CADM2: variants seen among roughly 807,000 people sequenced by gnomAD.
The protein encoded by CADM2 is cell adhesion molecule 2.
CADM2 carries 12 observed loss-of-function variants against 49.8 expected under a neutral mutation model. The observed-to-expected ratio is 0.24, with a 90% CI of 0.15 to 0.39. The LOEUF (loss-of-function observed/expected upper bound fraction) is 0.39. CADM2 is among the 10% of genes least tolerant of loss of function. CADM2 has a pLI of 1.00. For missense variants in CADM2, 378 were observed against 492.3 expected (o/e 0.77, Z 2.20); for synonymous variants, 214 against 175.4 (o/e 1.22, Z -1.74).
intron 1 of CADM2, among the ~76,000 whole-genome samples, chr3:85,400,583 C>CT (rs1274476487): frequency 6.6e-6 from 1 of 152,000 alleles, no homozygotes; most frequent in African/African-American, 2.4e-5. Context: ...TGGTCCTGGA[C>CT]TTTTTTTGGT....
chr3:85,542,864 A>G (rs908497484), intron 1 of CADM2, among the ~76,000 whole-genome samples: 2 of 152,212 alleles, frequency 1.3e-5, no homozygotes, highest in Non-Finnish European at 2.9e-5. Flanking sequence ...CCTTTAAGTG[A>G]GCAGTACTTT....
intron 1 of CADM2, among the ~76,000 whole-genome samples, chr3:85,684,212 A>C (rs541521585): frequency 6.6e-6 from 1 of 152,334 alleles, no homozygotes; most frequent in African/African-American, 2.4e-5. Flanking sequence ...ACAACTGTCT[A>C]ATGATATGAA....
At chr3:85,566,617 A>C (rs1309040585) in intron 1 of CADM2, among the ~76,000 whole-genome samples, 1 of 152,170 alleles carries the variant, frequency 6.6e-6, no homozygotes, top group Non-Finnish European at 1.5e-5. Flanking sequence ...AACTGGGAGA[A>C]TCTAGTATAA....
intron 1 of CADM2, among the ~76,000 whole-genome samples, chr3:85,143,259 G>A (rs940024902): frequency 6.6e-6 from 1 of 152,156 alleles, no homozygotes; most frequent in African/African-American, 2.4e-5. Context: ...AAGACAGAAG[G>A]ATTGCTTGAG....
At chr3:85,396,580 A>G (rs561237869) in intron 1 of CADM2, among the ~76,000 whole-genome samples, 1 of 152,076 alleles carries the variant, frequency 6.6e-6, no homozygotes, top group Non-Finnish European at 1.5e-5. Flanking sequence ...AGAAATATGG[A>G]TAGATGATTT....
intron 3 of CADM2, among the ~76,000 whole-genome samples, chr3:85,849,405 A>C (rs928312079): frequency 3.3e-5 from 5 of 152,198 alleles, no homozygotes; most frequent in African/African-American, 1.2e-4. Context: ...GAAGAATTTT[A>C]GCCCAAAATG....
At chr3:85,342,830 A>G (rs941550450) in intron 1 of CADM2, among the ~76,000 whole-genome samples, 1 of 152,184 alleles carries the variant, frequency 6.6e-6, no homozygotes, top group African/African-American at 2.4e-5. Context: ...CCAAGCAAGA[A>G]GAGAGTCATA....
chr3:85,117,146 G>A (rs1019805723), intron 1 of CADM2, among the ~76,000 whole-genome samples: 25 of 152,178 alleles, frequency 1.6e-4, no homozygotes, highest in Admixed American at 1.2e-3. Context: ...ACTTGAACCC[G>A]GGAGGTGGAG....
chr3:84,996,155 T>C (rs1258552260), intron 1 of CADM2, among the ~76,000 whole-genome samples: 1 of 152,168 alleles, frequency 6.6e-6, no homozygotes, highest in Admixed American at 6.5e-5. Flanking sequence ...TACACCAACT[T>C]TATTTAAATT....
At chr3:85,174,403 G>T (rs1328867953) in intron 1 of CADM2, among the ~76,000 whole-genome samples, 1 of 151,852 alleles carries the variant, frequency 6.6e-6, no homozygotes, top group Non-Finnish European at 1.5e-5. Context: ...ACTGTTTGTA[G>T]AGAGAATGTT....
rs553714071 is a variant in CADM2, at chr3:85,132,692, T to C, written c.61+173024T>C. Among the ~76,000 whole-genome samples the C allele has an allele frequency of 1.6e-4, 25 of 152,230 alleles. No homozygotes were observed. The South Asian group carries it at 5.0e-3, about 30-fold the overall frequency. The stretch of plus-strand genomic sequence containing the variant: ...ATTACAAAGATTCAATAATAAATTA[T>C]GCCTTCACTAAGGAGGTATCATTTA... On this transcript the variant is annotated intron_variant, in intron 1 of 9. Transcript: ENST00000383699.
intron 5 of CADM2, among the ~76,000 whole-genome samples, chr3:85,902,314 T>C (rs1181894744): frequency 6.6e-6 from 1 of 152,074 alleles, no homozygotes; most frequent in Non-Finnish European, 1.5e-5. Flanking sequence ...AAAATCTGCT[T>C]TGATATTAGT....
At chr3:85,917,213 T>G (rs1371482360) in intron 6 of CADM2, among the ~76,000 whole-genome samples, 1 of 152,150 alleles carries the variant, frequency 6.6e-6, no homozygotes, top group East Asian at 1.9e-4. Flanking sequence ...TGCCATTGCT[T>G]TTGGTGTTTT....
intron 1 of CADM2, among the ~76,000 whole-genome samples, chr3:85,569,701 C>CAAAAAAAAAA (rs781598979): frequency 2.6e-5 from 3 of 114,722 alleles, no homozygotes; most frequent in Non-Finnish European, 3.3e-5. Flanking sequence ...TTTCTAATGG[C>CAAAAAAAAAA]AAAAAAAAAA....
chr3:85,658,410 A>G (rs1192149651), intron 1 of CADM2, among the ~76,000 whole-genome samples: 2 of 151,716 alleles, frequency 1.3e-5, no homozygotes, highest in African/African-American at 4.8e-5. Flanking sequence ...CTAGAACTCT[A>G]AGGCAATACA....
At chr3:85,133,920 C>T (rs910650935) in intron 1 of CADM2, among the ~76,000 whole-genome samples, 10 of 152,178 alleles carry the variant, frequency 6.6e-5, no homozygotes, top group African/African-American at 2.2e-4. Flanking sequence ...GGGCGGCGCT[C>T]GTCGGGGAGG....
chr3:85,138,468 C>G (rs1032677143), intron 1 of CADM2, among the ~76,000 whole-genome samples: 25 of 152,000 alleles, frequency 1.6e-4, no homozygotes, highest in Admixed American at 1.6e-3. Context: ...TATTTAGAAC[C>G]AATCTAATAT....
chr3:85,485,940 T>C (rs2039397299), intron 1 of CADM2, among the ~76,000 whole-genome samples: 1 of 152,078 alleles, frequency 6.6e-6, no homozygotes, highest in African/African-American at 2.4e-5. Flanking sequence ...GATCAGGATT[T>C]TACATTCAGT....
intron 1 of CADM2, among the ~76,000 whole-genome samples, chr3:85,498,729 A>C (rs2040001214): frequency 6.6e-6 from 1 of 152,176 alleles, no homozygotes; most frequent in South Asian, 2.1e-4. Flanking sequence ...TGTATTGATA[A>C]GCTGAGAGAA....
Sources: allele counts gnomAD v4.1 joint callset (sites outside exome capture counted in the v4.1 genomes callset), GRCh38; gene constraint gnomAD v4.1.1; transcripts MANE v1.5; gene names NCBI Gene and HGNC (gene_info 2026-07-23, HGNC 2026-07-21).